The following NAV2 variants were observed in gnomAD, a reference collection of about 807,000 sequenced individuals.
The protein encoded by NAV2 is neuron navigator 2, also known as helicase, APC down-regulated 1.
A neutral mutation model predicts 223.2 loss-of-function variants in NAV2; 54 were observed. That is an observed-to-expected ratio of 0.24 (90% confidence interval 0.19 to 0.30). NAV2 has a LOEUF of 0.30. Ranked by LOEUF, NAV2 falls within the 10% of genes least tolerant of loss-of-function variation. NAV2 has a pLI of 1.00. For synonymous variants in NAV2, 1,279 were observed against 1,239.3 expected, an observed-to-expected ratio of 1.03 and a Z score of -0.67; for missense variants, 2,806 against 3,147.5, an observed-to-expected ratio of 0.89 and a Z score of 2.60.
intron 3 of NAV2, among the ~76,000 whole-genome samples, chr11:19,858,795 G>T (rs1016681219): frequency 6.6e-6 from 1 of 152,120 alleles, no homozygotes; most frequent in Non-Finnish European, 1.5e-5. Flanking sequence ...TTACATATTC[G>T]GAGAAAGGCT....
intron 1 of NAV2, among the ~76,000 whole-genome samples, chr11:19,472,935 G>A (rs2042007330): frequency 6.6e-6 from 1 of 152,314 alleles, no homozygotes; most frequent in Non-Finnish European, 1.5e-5. Flanking sequence ...CCAGGTCTGG[G>A]TGAAGATCCC....
At chr11:19,495,224 A>G (rs1056192190) in intron 1 of NAV2, among the ~76,000 whole-genome samples, 3 of 152,130 alleles carry the variant, frequency 2.0e-5, no homozygotes, top group Non-Finnish European at 2.9e-5. Flanking sequence ...CTTATCTCAC[A>G]TTGGTGGTTT....
chr11:19,835,466 C>T (rs2152919983), intron 2 of NAV2, among the ~76,000 whole-genome samples: 1 of 152,252 alleles, frequency 6.6e-6, no homozygotes, highest in East Asian at 1.9e-4. Flanking sequence ...CTTCTTTCCT[C>T]AGTTGTCTAT....
chr11:19,726,712 G>A (rs11025222), intron 1 of NAV2, among the ~76,000 whole-genome samples: 34,752 of 152,158 alleles, frequency 0.23, 4,615 homozygotes, highest in Middle Eastern at 0.32. Flanking sequence ...ATGGTCTGTG[G>A]CCTGGTTGTA....
intron 1 of NAV2, among the ~76,000 whole-genome samples, chr11:19,375,287 A>G (rs184363400): frequency 6.6e-6 from 1 of 152,314 alleles, no homozygotes; most frequent in African/African-American, 2.4e-5. Context: ...CTGCAGAAGC[A>G]CTGTTTCCCT....
At chr11:19,869,668 T>G (rs73437616) in intron 4 of NAV2, among the ~76,000 whole-genome samples, 14,651 of 152,242 alleles carry the variant, frequency 0.096, 819 homozygotes, top group Admixed American at 0.14. Context: ...AGCTCAGAGC[T>G]GCCATAGGCC....
chr11:19,628,115 G>A (rs2047224580), intron 1 of NAV2, among the ~76,000 whole-genome samples: 1 of 152,152 alleles, frequency 6.6e-6, no homozygotes, highest in Admixed American at 6.5e-5. Flanking sequence ...GAGCCAGTAT[G>A]TCTCCCTCCC....
At chr11:19,972,367 T>A (rs2049322657) in intron 10 of NAV2, among the ~76,000 whole-genome samples, 2 of 152,218 alleles carry the variant, frequency 1.3e-5, no homozygotes, top group African/African-American at 4.8e-5. Context: ...GTGGATTCAA[T>A]GGCTGCTAAT....
intron 1 of NAV2, among the ~76,000 whole-genome samples, chr11:19,622,177 T>C (rs2135422945): frequency 6.6e-6 from 1 of 152,374 alleles, no homozygotes; most frequent in South Asian, 2.1e-4. Flanking sequence ...TACTTCCAAC[T>C]ACGTGGTCAA....
At chr11:19,720,261 G>A (rs2050648122) in intron 1 of NAV2, among the ~76,000 whole-genome samples, 2 of 152,248 alleles carry the variant, frequency 1.3e-5, no homozygotes, top group Non-Finnish European at 2.9e-5. Flanking sequence ...TGGGCCATGT[G>A]ATTTTGGGAA....
intron 32 of NAV2, among the ~76,000 whole-genome samples, chr11:20,102,059 A>G (rs1312507164): frequency 6.6e-6 from 1 of 152,102 alleles, no homozygotes; most frequent in African/African-American, 2.4e-5. Flanking sequence ...CAAGTTCCCC[A>G]AGTAACTTGA....
At chr11:19,959,019 G>A (rs1379242743) in intron 10 of NAV2, among the ~76,000 whole-genome samples, 1 of 152,108 alleles carries the variant, frequency 6.6e-6, no homozygotes, top group East Asian at 1.9e-4. Flanking sequence ...AGTTACACAG[G>A]GGACACAAAG....
intron 19 of NAV2, among the ~76,000 whole-genome samples, chr11:20,056,992 T>C (rs1301084524): frequency 6.6e-6 from 1 of 152,208 alleles, no homozygotes; most frequent in Non-Finnish European, 1.5e-5. Context: ...AGCTTCAGCA[T>C]TGACTTCCTG....
chr11:19,377,639 A>G (rs1289458477), intron 1 of NAV2, among the ~76,000 whole-genome samples: 1 of 151,616 alleles, frequency 6.6e-6, no homozygotes, highest in Non-Finnish European at 1.5e-5. Context: ...ACTTGGCTTG[A>G]TTATAGGTCT....
chr11:19,404,905 G>T lies in NAV2; in HGVS notation c.75+53878G>T, dbSNP rs79842874. The stretch of plus-strand genomic sequence containing the variant: ...AAGTGTTAATCTGGAAGGCCTGTCT[G>T]TCTGGTCTTCAAAGCCCCACTGCCA... On this transcript the variant is annotated intron_variant, in intron 1 of 37. Coordinates refer to the NAV2 transcript ENST00000360655. Among the ~76,000 whole-genome samples, 1,015 of 152,210 alleles carry T rather than the reference G, an allele frequency of 6.7e-3. 8 individuals carry two copies. Among genetic ancestry groups the T allele is most frequent in the Non-Finnish European group, 0.012 (790 of 68,028 alleles).
intron 22 of NAV2, among the ~76,000 whole-genome samples, chr11:20,077,243 C>G (rs552292168): frequency 1.6e-4 from 25 of 152,172 alleles, no homozygotes; most frequent in Non-Finnish European, 2.8e-4. Flanking sequence ...GAGCCGAGAG[C>G]TCTTTACACA....
At chr11:19,521,332 A>G (rs2043648348) in intron 1 of NAV2, among the ~76,000 whole-genome samples, 1 of 152,190 alleles carries the variant, frequency 6.6e-6, no homozygotes, top group Non-Finnish European at 1.5e-5. Context: ...CCAGTCCCCA[A>G]GTCCTAGGTA....
At chr11:20,072,551 T>G (rs1399989157) in intron 22 of NAV2, among the ~76,000 whole-genome samples, 1 of 152,236 alleles carries the variant, frequency 6.6e-6, no homozygotes, top group East Asian at 1.9e-4. Context: ...ATGATATTGA[T>G]TCTTACTATC....
intron 1 of NAV2, among the ~76,000 whole-genome samples, chr11:19,826,584 T>C (rs1394144486): frequency 2.0e-5 from 3 of 152,208 alleles, no homozygotes; most frequent in Non-Finnish European, 4.4e-5. Flanking sequence ...ATGATTAGCA[T>C]GGCCCATGAA....
Sources: gnomAD v4.1 joint callset for allele counts (sites outside exome capture counted in the v4.1 genomes callset) on GRCh38, gnomAD v4.1.1 for gene constraint, MANE v1.5 for transcripts, NCBI Gene and HGNC (gene_info 2026-07-23, HGNC 2026-07-21) for gene names.